BLOC1S2: variants seen among roughly 807,000 people sequenced by gnomAD.
BLOC1S2 encodes biogenesis of lysosome-related organelles complex 1 subunit 2.
A neutral mutation model predicts 19.6 loss-of-function variants in BLOC1S2; 12 were observed. The observed-to-expected ratio is 0.61, with a 90% CI of 0.39 to 0.99. The LOEUF is 0.99. Among genes scored for constraint, BLOC1S2 ranks in the 50% least tolerant of loss-of-function variants. BLOC1S2 has a pLI of 0.00. For missense variants in BLOC1S2, 142 were observed against 171.0 expected, an observed-to-expected ratio of 0.83 and a Z score of 0.95; for synonymous variants, 66 against 64.1, an observed-to-expected ratio of 1.03 and a Z score of -0.14.
At position 100,274,378 on chromosome 10, in the gene BLOC1S2, T is replaced by A. The variant is rs1160568131; in HGVS notation, c.*1084A>T. On this transcript the variant is annotated 3_prime_UTR_variant, in exon 5 of 5. Transcript: ENST00000370372. ...CCAGTTTACATTTTTAAGATTGCTCTGGCAGCAGTGTGGAGGGTGGTTGGA... is the reference window on the plus strand; with the variant it reads ...CCAGTTTACATTTTTAAGATTGCTCAGGCAGCAGTGTGGAGGGTGGTTGGA... 1 of 152,530 alleles carries A rather than the reference T, an allele frequency of 6.6e-6. No homozygotes were observed. The highest frequency in any genetic ancestry group is 1.5e-5 in the Non-Finnish European group (1 of 68,148). 9.4% of individuals were successfully genotyped at this position (152,530 alleles called of 1,614,324 possible). A position where few individuals can be genotyped will look rare whatever the true frequency, so the allele number is the denominator to read the frequency against.
rs1236156612 is a variant in BLOC1S2, at chr10:100,275,202, A to T, written c.*260T>A. The T allele has an allele frequency of 7.2e-6, 3 of 417,502 alleles. No homozygotes were observed. The highest frequency in any genetic ancestry group is 2.0e-5 in the African/African-American group (1 of 49,132). The allele number at this position is 417,502 out of a possible 1,614,324, so 25.9% of individuals were successfully genotyped here. A position where few individuals can be genotyped will look rare whatever the true frequency, so the allele number is the denominator to read the frequency against. ...CCAGCTGTTTTCTGAACTTTGTGAGAGTCTCTGTCCTGAATATGGCAAAGC... is the reference window on the plus strand; with the variant it reads ...CCAGCTGTTTTCTGAACTTTGTGAGTGTCTCTGTCCTGAATATGGCAAAGC... On this transcript the variant is annotated 3_prime_UTR_variant, in exon 5 of 5. Coordinates refer to ENST00000370372, the MANE Select transcript of BLOC1S2 (RefSeq NM_173809.5).
At chr10:100,282,115 A>G (rs1373742852) in intron 2 of BLOC1S2, among the ~76,000 whole-genome samples, 2 of 151,990 alleles carry the variant, frequency 1.3e-5, no homozygotes, top group African/African-American at 2.4e-5. Flanking sequence ...CCTCTCTTCA[A>G]TCATCTCCTT....
At chr10:100,283,187 A>G (rs1171019488) in intron 2 of BLOC1S2, among the ~76,000 whole-genome samples, 1 of 152,142 alleles carries the variant, frequency 6.6e-6, no homozygotes, top group Non-Finnish European at 1.5e-5. Flanking sequence ...ATCCCTCAAT[A>G]TCTACTTAAA....
intron 2 of BLOC1S2, among the ~76,000 whole-genome samples, chr10:100,281,374 AC>A (rs1848096666): frequency 1.3e-5 from 2 of 152,156 alleles, no homozygotes; most frequent in South Asian, 4.1e-4. Context: ...AAAACATTTA[AC>A]TTATATACAT....
chr10:100,279,921 G>A (rs544823655), intron 4 of BLOC1S2: 10 of 354,804 alleles, frequency 2.8e-5, no homozygotes, highest in African/African-American at 1.7e-4. Context: ...CATAATACAT[G>A]TAAAGCACTA....
intron 2 of BLOC1S2, among the ~76,000 whole-genome samples, chr10:100,283,089 T>G (rs1472535348): frequency 6.6e-6 from 1 of 152,222 alleles, no homozygotes; most frequent in Non-Finnish European, 1.5e-5. Context: ...GAAAACATTT[T>G]CACACTAAAC....
intron 4 of BLOC1S2, among the ~76,000 whole-genome samples, chr10:100,277,717 C>T (rs1341890688): frequency 1.7e-4 from 24 of 138,236 alleles, no homozygotes; most frequent in African/African-American, 6.2e-4. Context: ...GGGGGCTCAG[C>T]CCCCCGCCCG....
intron 2 of BLOC1S2, among the ~76,000 whole-genome samples, chr10:100,283,755 A>C (rs994466491): frequency 1.1e-4 from 17 of 152,154 alleles, no homozygotes; most frequent in African/African-American, 4.1e-4. Context: ...TGTGCTTGTA[A>C]TCCCAGCTAC....
chr10:100,277,739 C>G (rs1464995629), intron 4 of BLOC1S2, among the ~76,000 whole-genome samples: 2 of 133,788 alleles, frequency 1.5e-5, no homozygotes, highest in East Asian at 2.4e-4. Context: ...CCAGCCGCCC[C>G]GTCCGGGAGG....
intron 2 of BLOC1S2, among the ~76,000 whole-genome samples, chr10:100,285,721 C>T (rs766317134): frequency 7.2e-5 from 11 of 152,142 alleles, no homozygotes; most frequent in Non-Finnish European, 1.0e-4. Context: ...CTCTTTATCC[C>T]GGTAAACACA....
chr10:100,280,127 G>C lies in BLOC1S2; in HGVS notation c.394C>G (p.Leu132Val), dbSNP rs1218068079. ...AYKLDAYSKK[L>V]EAKYKKLEKR ...AAACAGAAGTAAAAACGGTTACCCA[G>C]TTTTTTTGAATATGCATCCAACTTG... The change falls in exon 4 of 5, where the codon CTG becomes GTG. Residue 132 changes from leucine (L) to valine (V), a missense_variant. Transcript: ENST00000370372. 1 of 1,612,328 alleles carries C rather than the reference G, an allele frequency of 6.2e-7. No individual in the cohort carries two copies. The highest frequency in any genetic ancestry group is 8.5e-7 in the Non-Finnish European group (1 of 1,179,164).
In BLOC1S2 at chr10:100,273,552, T is replaced by G. The variant is rs1327441546; in HGVS notation, c.*1910A>C. ...AAAACTTTTTAAAAATAGATCAACA[T>G]GGCTGGGTGCGGTGGCTCACACCTG... On this transcript the variant is annotated 3_prime_UTR_variant, in exon 5 of 5. Transcript: ENST00000370372. 6.6e-6 allele frequency: 1 copy of G among 152,164 alleles called. No individual in the cohort carries two copies. The highest frequency in any genetic ancestry group is 1.9e-4 in the East Asian group (1 of 5,198). The allele number at this position is 152,164 out of a possible 1,614,324, so 9.4% of individuals were successfully genotyped here. A position where few individuals can be genotyped will look rare whatever the true frequency, so the allele number is the denominator to read the frequency against.
Position 100,273,764 on chromosome 10 carries a change from A to G in BLOC1S2, c.*1698T>C, listed in dbSNP as rs1320816167. ...GGCAGGAGAATCGCTTGAACCCAGG[A>G]AACAGAGGTTGCAGTGAGCTAAGAT... On this transcript the variant is annotated 3_prime_UTR_variant, in exon 5 of 5. Coordinates refer to ENST00000370372, the MANE Select transcript of BLOC1S2 (RefSeq NM_173809.5). 6.6e-6 allele frequency: 1 copy of G among 151,858 alleles called. No individual in the cohort carries two copies. The highest frequency in any genetic ancestry group is 6.6e-5 in the Admixed American group (1 of 15,234). 9.4% of individuals were successfully genotyped at this position (151,858 alleles called of 1,614,324 possible).
chr10:100,286,417 CGGCACCCCCGCTCATCCT>C (rs1452786594), intron 1 of BLOC1S2, 170 bp downstream of exon 1: 1 of 1,464,236 alleles, frequency 6.8e-7, no homozygotes, highest in African/African-American at 1.4e-5. Flanking sequence ...CGCCCATACC[CGGCACCCCCGCTCATCCT>C]GGCACCATCC....
At chr10:100,278,423 G>A (rs1275245631) in intron 4 of BLOC1S2, among the ~76,000 whole-genome samples, 2 of 152,226 alleles carry the variant, frequency 1.3e-5, no homozygotes, top group African/African-American at 4.8e-5. Flanking sequence ...TTGAGAAATC[G>A]GATGGTTGCC....
At chr10:100,286,335 G>A in intron 1 of BLOC1S2, 122 bp from the exon 2 acceptor site, 8 of 1,477,886 alleles carry the variant, frequency 5.4e-6, no homozygotes, top group African/African-American at 1.4e-5. Flanking sequence ...TTCTCCATCT[G>A]CCATAATTTC....
rs758088178 is a variant in BLOC1S2 at position 100,286,612 on chromosome 10, G to A, written c.48C>T (p.Pro16=). The A allele has an allele frequency of 1.9e-6, 3 of 1,612,778 alleles. No individual in the cohort carries two copies. The highest frequency in any genetic ancestry group is 1.1e-5 in the South Asian group (1 of 91,006). ...EGVLATRSDE[P]ARDDAAVETA... is the part of the protein sequence containing the mutation. ...CCCATCCATTCCGGGTACCTCGGGCGGGCTCATCACTCCGGGTCGCCAGTA... is the reference window on the plus strand; with the variant it reads ...CCCATCCATTCCGGGTACCTCGGGCAGGCTCATCACTCCGGGTCGCCAGTA... The change falls in exon 1 of 5, where the codon CCC becomes CCT. Residue 16 remains proline (P), a synonymous_variant. Transcript: ENST00000370372.
chr10:100,285,724 T>C (rs1848217718), intron 2 of BLOC1S2, among the ~76,000 whole-genome samples: 1 of 152,206 alleles, frequency 6.6e-6, no homozygotes, highest in South Asian at 2.1e-4. Flanking sequence ...TTTATCCCGG[T>C]AAACACATCT....
intron 2 of BLOC1S2, among the ~76,000 whole-genome samples, chr10:100,282,484 T>C (rs1272154318): frequency 6.6e-6 from 1 of 152,218 alleles, no homozygotes; most frequent in Admixed American, 6.5e-5. Context: ...CTCCTTCTCT[T>C]TGGGAAATGC....
Sources: allele counts gnomAD v4.1 joint callset (sites outside exome capture counted in the v4.1 genomes callset), GRCh38; gene constraint gnomAD v4.1.1; transcripts MANE v1.5; gene names NCBI Gene and HGNC (gene_info 2026-07-23, HGNC 2026-07-21).